Variants in ARHGAP40 observed in about 807,000 individuals in gnomAD.
The protein encoded by ARHGAP40 is rho GTPase-activating protein 40.
In ARHGAP40, 43 loss-of-function variants were observed where a neutral mutation model predicts 73.5. The observed-to-expected ratio is 0.58, with a 90% CI of 0.46 to 0.75. ARHGAP40 has a LOEUF of 0.75. Among genes scored for constraint, ARHGAP40 ranks in the 30% least tolerant of loss-of-function variants. The pLI is 0.00. For synonymous variants in ARHGAP40, 300 were observed against 352.8 expected, an observed-to-expected ratio of 0.85 and a Z score of 1.68; for missense variants, 734 against 861.8, an observed-to-expected ratio of 0.85 and a Z score of 1.86.
chr20:38,644,102 T>C (rs1189988045), intron 11 of ARHGAP40, among the ~76,000 whole-genome samples, 192 bp downstream of exon 11: 4 of 152,128 alleles, frequency 2.6e-5, no homozygotes, highest in Non-Finnish European at 1.5e-5. Context: ...TCACTTTCTG[T>C]CTCCACTGCC....
At chr20:38,649,781 C>T in exon 15 of ARHGAP40, 4 of 1,305,206 alleles carry the variant, frequency 3.1e-6, no homozygotes, top group Non-Finnish European at 4.0e-6. Flanking sequence ...GACCCAGATG[C>T]CTACCTCTTA....
intron 13 of ARHGAP40, among the ~76,000 whole-genome samples, 181 bp from the exon 14 acceptor site, chr20:38,648,462 G>A (rs1214900452): frequency 6.6e-6 from 1 of 152,232 alleles, no homozygotes; most frequent in Non-Finnish European, 1.5e-5. Context: ...GCCCCTGGGT[G>A]CTGGACTCTG....
chr20:38,619,882 T>C (rs534868081), intron 1 of ARHGAP40, among the ~76,000 whole-genome samples: 10 of 152,050 alleles, frequency 6.6e-5, no homozygotes, highest in African/African-American at 2.4e-4. Flanking sequence ...AAGGGCAGCC[T>C]GAGCAGCATA....
chr20:38,643,178 A>C (rs947452692), intron 10 of ARHGAP40, among the ~76,000 whole-genome samples: 1 of 151,926 alleles, frequency 6.6e-6, no homozygotes, highest in Non-Finnish European at 1.5e-5. Context: ...AACAAAAAAA[A>C]CCTACCTTAT....
intron 1 of ARHGAP40, among the ~76,000 whole-genome samples, chr20:38,602,457 G>A (rs1460396472): frequency 8.5e-5 from 13 of 152,158 alleles, no homozygotes; most frequent in Non-Finnish European, 1.8e-4. Flanking sequence ...TCTGGGTCAA[G>A]TTTCTGGGTC....
At chr20:38,644,379 G>C (rs898999388) in intron 11 of ARHGAP40, among the ~76,000 whole-genome samples, 1 of 151,962 alleles carries the variant, frequency 6.6e-6, no homozygotes, top group Non-Finnish European at 1.5e-5. Context: ...GCCCCTCTGC[G>C]GTGTCAGCAT....
intron 1 of ARHGAP40, among the ~76,000 whole-genome samples, chr20:38,611,728 T>C (rs185300363): frequency 6.6e-6 from 1 of 152,088 alleles, no homozygotes; most frequent in African/African-American, 2.4e-5. Context: ...CCCGCCACCA[T>C]GCCCAGCTAA....
intron 1 of ARHGAP40, among the ~76,000 whole-genome samples, chr20:38,614,030 C>T (rs2088818909): frequency 6.6e-6 from 1 of 152,188 alleles, no homozygotes; most frequent in Admixed American, 6.5e-5. Context: ...TTTATAACAT[C>T]TCATTCCCAC....
intron 8 of ARHGAP40, 45 bp downstream of exon 8, chr20:38,638,883 A>T: frequency 7.8e-7 from 1 of 1,285,410 alleles, no homozygotes; most frequent in Non-Finnish European, 1.0e-6. Flanking sequence ...CATCTCCCCC[A>T]TGCTCACATG....
Position 38,648,834 on chromosome 20 carries a change from A to G in ARHGAP40, c.1936+136A>G, listed in dbSNP as rs564923526. The stretch of plus-strand genomic sequence containing the variant: ...CCCTCCCTTCAGGTCTCTGTCTTCA[A>G]TGAAACCAGGTGGAGTCCTGCTGTA... On this transcript the variant is annotated intron_variant, in intron 14 of 14. Transcript: ENST00000373345. The G allele has an allele frequency of 2.0e-5, 12 of 595,664 alleles. No individual in the cohort carries two copies. The East Asian group carries it at 4.0e-4, about 20-fold the overall frequency. The allele number at this position is 595,664 out of a possible 1,614,324, so 36.9% of individuals were successfully genotyped here.
chr20:38,608,572 G>A (rs913583683), intron 1 of ARHGAP40, among the ~76,000 whole-genome samples: 1 of 152,118 alleles, frequency 6.6e-6, no homozygotes, highest in Non-Finnish European at 1.5e-5. Flanking sequence ...CAATCACCCT[G>A]ATTTTATAGG....
rs1174685796 is a variant in ARHGAP40 at position 38,601,880 on chromosome 20, CCGAT to C, written c.-59_-56del. 5.5e-6 allele frequency: 7 copies of C among 1,284,324 alleles called. No individual in the cohort carries two copies. The Admixed American group carries it at 1.6e-4, about 30-fold the overall frequency. 79.6% of individuals were successfully genotyped at this position (1,284,324 alleles called of 1,614,324 possible). ...TACCTCACTCCTCCCTCTCACATTG[CCGAT>C]CGAGTCAGCCCCACGGCGGCAGCAC... is the stretch of plus-strand genomic sequence containing the variant. On this transcript the variant is annotated 5_prime_UTR_variant, in exon 1 of 15. Transcript: ENST00000373345.
intron 1 of ARHGAP40, among the ~76,000 whole-genome samples, chr20:38,610,695 G>A (rs545223497): frequency 3.2e-4 from 48 of 152,226 alleles, no homozygotes; most frequent in African/African-American, 6.5e-4. Flanking sequence ...GTGAAGCTTC[G>A]TCTAAAAATT....
In ARHGAP40 at chr20:38,604,878, A is replaced by G. The variant is rs545312360; in HGVS notation, c.137+2799A>G. Among the ~76,000 whole-genome samples the G allele has an allele frequency of 3.3e-5, 5 of 152,226 alleles. No homozygotes were observed. In the South Asian group the frequency reaches 8.3e-4, roughly 25 times the overall value. On this transcript the variant is annotated intron_variant, in intron 1 of 14. Coordinates refer to ENST00000373345, the Ensembl canonical transcript of ARHGAP40. ...AAATGCTTTAAATTAAACTTATAAAATCAGCTTATAATAATATCACCGTTA... is the reference window on the plus strand; with the variant it reads ...AAATGCTTTAAATTAAACTTATAAAGTCAGCTTATAATAATATCACCGTTA...
At chr20:38,631,754 C>T (rs2088939859) in intron 5 of ARHGAP40, among the ~76,000 whole-genome samples, 1 of 152,178 alleles carries the variant, frequency 6.6e-6, no homozygotes, top group African/African-American at 2.4e-5. Context: ...CTGACCACCA[C>T]TCTCTACTGC....
At chr20:38,620,247 T>C (rs2088867191) in intron 1 of ARHGAP40, among the ~76,000 whole-genome samples, 1 of 152,202 alleles carries the variant, frequency 6.6e-6, no homozygotes, top group Non-Finnish European at 1.5e-5. Context: ...ACATCAGCTA[T>C]ATTTGTGAGG....
At chr20:38,643,442 A>T (rs1322684444) in intron 10 of ARHGAP40, among the ~76,000 whole-genome samples, 1 of 152,166 alleles carries the variant, frequency 6.6e-6, no homozygotes, top group Non-Finnish European at 1.5e-5. Context: ...TGGAAGTTGA[A>T]GTCTGACCCA....
intron 1 of ARHGAP40, chr20:38,615,531 C>G (rs2088831230): frequency 1.6e-6 from 1 of 612,216 alleles, no homozygotes; most frequent in South Asian, 1.6e-5. Flanking sequence ...CTTCAGTGTC[C>G]CGGAGGAGGT....
chr20:38,617,769 G>A (rs1026799174), intron 1 of ARHGAP40, among the ~76,000 whole-genome samples: 2 of 152,216 alleles, frequency 1.3e-5, no homozygotes, highest in Admixed American at 6.5e-5. Context: ...TCTTGGGTGA[G>A]CCACTTGCTG....
Sources: gnomAD v4.1 joint callset for allele counts (sites outside exome capture counted in the v4.1 genomes callset) on GRCh38, gnomAD v4.1.1 for gene constraint, MANE v1.5 for transcripts, NCBI Gene and HGNC (gene_info 2026-07-23, HGNC 2026-07-21) for gene names.